Variants in ERBIN observed in about 807,000 individuals in gnomAD.
ERBIN encodes densin-180-like protein.
A neutral mutation model predicts 158.4 loss-of-function variants in ERBIN; 60 were observed. The observed-to-expected ratio is 0.38, with a 90% CI of 0.31 to 0.47. ERBIN has a LOEUF of 0.47. Ranked by LOEUF, ERBIN falls within the 20% of genes least tolerant of loss-of-function variation. ERBIN has a pLI of 0.99. For missense variants in ERBIN, 1,610 were observed against 1,648.0 expected, an observed-to-expected ratio of 0.98 and a Z score of 0.40; for synonymous variants, 594 against 557.2, an observed-to-expected ratio of 1.07 and a Z score of -0.93.
intron 1 of ERBIN, among the ~76,000 whole-genome samples, chr5:65,976,980 A>G (rs1284033977): frequency 6.6e-6 from 1 of 152,072 alleles, no homozygotes; most frequent in African/African-American, 2.4e-5. Flanking sequence ...CCCTCTTTCT[A>G]TTCCACAAAA....
At chr5:65,952,157 T>C (rs1746579640) in intron 1 of ERBIN, among the ~76,000 whole-genome samples, 1 of 152,160 alleles carries the variant, frequency 6.6e-6, no homozygotes, top group Non-Finnish European at 1.5e-5. Context: ...CTCTTATTTT[T>C]ATATCTGTTA....
intron 23 of ERBIN, among the ~76,000 whole-genome samples, chr5:66,075,586 A>G (rs1761910142): frequency 6.6e-6 from 1 of 152,218 alleles, no homozygotes; most frequent in African/African-American, 2.4e-5. Context: ...TTGAAATTTG[A>G]CTACAGACTT....
intron 1 of ERBIN, among the ~76,000 whole-genome samples, chr5:65,965,382 G>GTTGTTTTTTTT (rs1748463429): frequency 1.0e-5 from 1 of 96,072 alleles, no homozygotes; most frequent in Non-Finnish European, 2.1e-5. Context: ...GTTTTTTGTT[G>GTTGTTTTTTTT]TTTTTTTTTT....
intron 21 of ERBIN, 121 bp from the exon 22 acceptor site, chr5:66,072,048 T>A (rs566072784): frequency 9.7e-6 from 9 of 923,550 alleles, no homozygotes; most frequent in Non-Finnish European, 1.4e-5. Context: ...AGTGTTTGAT[T>A]TGGGTCTTCA....
chr5:66,006,893 G>C (rs1753662617), intron 4 of ERBIN, among the ~76,000 whole-genome samples: 1 of 151,100 alleles, frequency 6.6e-6, no homozygotes, highest in African/African-American at 2.5e-5. Flanking sequence ...GGAAACAACA[G>C]GTGCTGGAGA....
chr5:65,988,983 CAA>C (rs34731955), intron 2 of ERBIN, among the ~76,000 whole-genome samples: 219 of 62,866 alleles, frequency 3.5e-3, no homozygotes, highest in South Asian at 0.024. Flanking sequence ...ACCCTGTTTC[CAA>C]AAAAAAAAAA....
chr5:66,082,301 T>C lies in ERBIN; in HGVS notation c.*3771T>C, dbSNP rs1419801678. 6.6e-6 allele frequency: 1 copy of C among 152,206 alleles called. No individual in the cohort carries two copies. The highest frequency in any genetic ancestry group is 1.5e-5 in the Non-Finnish European group (1 of 68,028). 9.4% of individuals were successfully genotyped at this position (152,206 alleles called of 1,614,324 possible). A position where few individuals can be genotyped will look rare whatever the true frequency, so the allele number is the denominator to read the frequency against. Reference sequence around the variant, plus strand: ...AACAATCAAAATACTCCTGAACCTTTCTATAGAATCTTTAGGAGAGAGGCT... The same window carrying C: ...AACAATCAAAATACTCCTGAACCTTCCTATAGAATCTTTAGGAGAGAGGCT... On this transcript the variant is annotated 3_prime_UTR_variant, in exon 26 of 26. Coordinates refer to ENST00000284037, the MANE Select transcript of ERBIN (RefSeq NM_001253697.2).
At chr5:66,029,547 TTTCTGTTCTGTTCTG>T (rs576569457) in intron 14 of ERBIN, among the ~76,000 whole-genome samples, 1 of 151,356 alleles carries the variant, frequency 6.6e-6, no homozygotes, top group Non-Finnish European at 1.5e-5. Context: ...TGGGTACCCT[TTTCTGTTCTGTTCTG>T]TTCTGTTCTG....
At chr5:65,956,307 C>T (rs1341702774) in intron 1 of ERBIN, among the ~76,000 whole-genome samples, 1 of 151,004 alleles carries the variant, frequency 6.6e-6, no homozygotes, top group Non-Finnish European at 1.5e-5. Flanking sequence ...TGCATGCATG[C>T]ATTCATTTAC....
chr5:66,021,502 A>G, intron 8 of ERBIN, 117 bp downstream of exon 8: 2 of 732,948 alleles, frequency 2.7e-6, no homozygotes, highest in Middle Eastern at 4.2e-4. Context: ...TTTCTTAGTT[A>G]CAAGATATGA....
intron 18 of ERBIN, among the ~76,000 whole-genome samples, chr5:66,048,391 A>G (rs187573771): frequency 6.6e-6 from 1 of 152,076 alleles, no homozygotes. Context: ...TAAGAATATT[A>G]TAGGAGATGC....
intron 22 of ERBIN, 51 bp downstream of exon 22, chr5:66,072,342 G>C: frequency 1.3e-6 from 2 of 1,538,136 alleles, no homozygotes; most frequent in Non-Finnish European, 1.8e-6. Context: ...TCTATATTTT[G>C]CAGCTTTTGG....
rs1311616962 is a variant in ERBIN at position 66,054,372 on chromosome 5, T to A, written c.3054T>A (p.Asn1018Lys). Residue 1018 changes from asparagine (N) to lysine (K), a missense_variant, in exon 21 of 26, where the codon AAT becomes AAA. Asn to Lys is a moderately conservative substitution (Grantham distance 94). Around this residue, in one of 2 missense-constraint regions of ERBIN, gnomAD observed 1,014 missense variants for 936.1 expected, o/e 1.08. Transcript: ENST00000284037. Reference sequence around the variant, plus strand: ...TTCCTAGATCAGAGAGCACAGAAAATCAAAGTTATGCTAAACATTCTGCCA... The same window carrying A: ...TTCCTAGATCAGAGAGCACAGAAAAACAAAGTTATGCTAAACATTCTGCCA... ...QLLPRSESTE[N>K]QSYAKHSANM... 6.2e-7 allele frequency: 1 copy of A among 1,614,084 alleles called. No individual in the cohort carries two copies. The highest frequency in any genetic ancestry group is 1.3e-5 in the African/African-American group (1 of 75,008).
intron 1 of ERBIN, among the ~76,000 whole-genome samples, chr5:65,953,086 A>G (rs1746710088): frequency 6.6e-6 from 1 of 152,206 alleles, no homozygotes; most frequent in Admixed American, 6.5e-5. Flanking sequence ...CAAAGTTACC[A>G]TCTGGCTTCT....
intron 1 of ERBIN, among the ~76,000 whole-genome samples, chr5:65,970,900 A>G (rs1448691867): frequency 2.0e-5 from 3 of 152,210 alleles, no homozygotes; most frequent in Non-Finnish European, 4.4e-5. Flanking sequence ...ATCTAAAATT[A>G]GAAACTCCTT....
intron 12 of ERBIN, 76 bp from the exon 13 acceptor site, chr5:66,026,226 C>T: frequency 1.1e-6 from 1 of 920,454 alleles, no homozygotes; most frequent in Non-Finnish European, 1.6e-6. Context: ...TCATAACTTT[C>T]AAAAATGATG....
At chr5:66,009,494 T>G (rs1223940373) in intron 4 of ERBIN, among the ~76,000 whole-genome samples, 1 of 152,134 alleles carries the variant, frequency 6.6e-6, no homozygotes, top group Non-Finnish European at 1.5e-5. Context: ...CTAGCAATAA[T>G]ACAAAGAGTA....
In ERBIN at chr5:66,054,776, C is replaced by G; in HGVS notation, c.3458C>G (p.Pro1153Arg). 1 of 1,614,018 alleles carries G rather than the reference C, an allele frequency of 6.2e-7. No homozygotes were observed. The highest frequency in any genetic ancestry group is 8.5e-7 in the Non-Finnish European group (1 of 1,179,976). The change falls in exon 21 of 26, where the codon CCA (proline) becomes CGA (arginine). Residue 1153 changes from proline to arginine, a missense_variant. Transcript: ENST00000284037. ...QSARPSINEI[P>R]ERTMSVSDFN... ...GCTCGACCCTCTATTAATGAAATACCAGAGAGAACTATGTCAGTTAGTGAT... is the reference window on the plus strand; with the variant it reads ...GCTCGACCCTCTATTAATGAAATACGAGAGAGAACTATGTCAGTTAGTGAT...
At chr5:66,003,864 A>G (rs926571522) in intron 4 of ERBIN, among the ~76,000 whole-genome samples, 3 of 151,388 alleles carry the variant, frequency 2.0e-5, no homozygotes, top group African/African-American at 4.9e-5. Context: ...TGATTTGAAG[A>G]AGACATTTGT....
Sources: allele counts gnomAD v4.1 joint callset (sites outside exome capture counted in the v4.1 genomes callset), GRCh38; gene constraint gnomAD v4.1.1; regional missense constraint gnomAD v4.1.1; transcripts MANE v1.5; gene names NCBI Gene and HGNC (gene_info 2026-07-23, HGNC 2026-07-21).